COL15A1: variants seen among roughly 807,000 people sequenced by gnomAD.
The protein encoded by COL15A1 is collagen alpha-1(XV) chain.
Under a neutral mutation model 165.9 loss-of-function variants are expected in COL15A1, and 111 were observed. That is an observed-to-expected ratio of 0.67 (90% CI 0.57 to 0.78). COL15A1 has a LOEUF of 0.78. COL15A1 is among the 30% of genes least tolerant of loss of function. The pLI, the probability that COL15A1 is intolerant of heterozygous loss-of-function variation, is 0.00. For synonymous variants in COL15A1, 659 were observed against 674.8 expected, an observed-to-expected ratio of 0.98 and a Z score of 0.36; for missense variants, 1,745 against 1,789.7, an observed-to-expected ratio of 0.98 and a Z score of 0.45.
Position 99,055,370 on chromosome 9 carries a change from G to A in COL15A1, c.3190G>A (p.Ala1064Thr). Residue 1064 changes from alanine (A) to threonine (T), a missense_variant and splice_region_variant, in exon 34 of 42, where the codon GCT (alanine) becomes ACT (threonine). Coordinates refer to ENST00000375001, the MANE Select transcript of COL15A1 (RefSeq NM_001855.5). ...PPGLPGNPGP[A>T]GQKGETVVGP... Reference sequence around the variant, plus strand: ...AGGCCTGCCCGGAAATCCAGGCCCGGCTGTGAGTAGAGACCCCTCCAAGTC... The same window carrying A: ...AGGCCTGCCCGGAAATCCAGGCCCGACTGTGAGTAGAGACCCCTCCAAGTC... 1.3e-6 allele frequency: 2 copies of A among 1,599,082 alleles called. No homozygotes were observed. Among genetic ancestry groups the A allele is most frequent in the Non-Finnish European group, 1.7e-6 (2 of 1,166,414 alleles).
chr9:99,053,177 A>C (rs1161089548), intron 31 of COL15A1, among the ~76,000 whole-genome samples: 1 of 152,216 alleles, frequency 6.6e-6, no homozygotes, highest in Admixed American at 6.5e-5. Flanking sequence ...CTGTCCTCAC[A>C]CACCCTGTCA....
chr9:99,042,136 A>G, intron 24 of COL15A1, 29 bp downstream of exon 24: 1 of 1,529,062 alleles, frequency 6.5e-7, no homozygotes, highest in Non-Finnish European at 9.0e-7. Context: ...TCTGAGTGAG[A>G]TTGGGCGCTG....
chr9:98,980,710 G>T (rs931954749), intron 2 of COL15A1, among the ~76,000 whole-genome samples: 1 of 152,206 alleles, frequency 6.6e-6, no homozygotes. Context: ...TCGAGGAGGG[G>T]TTAATCGTTT....
At chr9:98,945,943 G>A (rs996384880) in intron 2 of COL15A1, among the ~76,000 whole-genome samples, 1 of 152,190 alleles carries the variant, frequency 6.6e-6, no homozygotes, top group African/African-American at 2.4e-5. Context: ...CACAAAGGAA[G>A]CCCTATTCCC....
chr9:99,038,161 A>G (rs570953822), intron 21 of COL15A1, among the ~76,000 whole-genome samples: 3 of 152,170 alleles, frequency 2.0e-5, no homozygotes, highest in African/African-American at 7.2e-5. Flanking sequence ...GGGTGTGGGG[A>G]AAAAGGTAAT....
intron 5 of COL15A1, among the ~76,000 whole-genome samples, chr9:98,990,816 T>C (rs763042926): frequency 2.0e-5 from 3 of 152,182 alleles, no homozygotes; most frequent in Non-Finnish European, 4.4e-5. Flanking sequence ...GTGTCTGGAA[T>C]TGGTGGGTTC....
chr9:98,973,651 C>T (rs894849661), intron 2 of COL15A1, among the ~76,000 whole-genome samples: 12 of 152,182 alleles, frequency 7.9e-5, no homozygotes, highest in Non-Finnish European at 1.6e-4. Flanking sequence ...TGAGTTTCCA[C>T]ACAGGCAGAG....
intron 2 of COL15A1, among the ~76,000 whole-genome samples, chr9:98,968,799 G>A (rs1429934652): frequency 6.6e-6 from 1 of 152,154 alleles, no homozygotes; most frequent in African/African-American, 2.4e-5. Context: ...CTTCCTGCCT[G>A]GGGGCGGGGG....
At chr9:99,033,462 G>A (rs935735089) in intron 16 of COL15A1, among the ~76,000 whole-genome samples, 1 of 152,188 alleles carries the variant, frequency 6.6e-6, no homozygotes, top group Non-Finnish European at 1.5e-5. Context: ...TCTACCTTCT[G>A]GGGCCCAGGG....
intron 32 of COL15A1, among the ~76,000 whole-genome samples, 189 bp from the exon 33 acceptor site, chr9:99,054,913 A>T (rs1825690296): frequency 6.6e-6 from 1 of 152,232 alleles, no homozygotes; most frequent in South Asian, 2.1e-4. Flanking sequence ...CCTACCTGGG[A>T]TCCCACAGTG....
At chr9:99,055,463 T>C (rs2117921221) in intron 34 of COL15A1, 91 bp downstream of exon 34, 1 of 767,148 alleles carries the variant, frequency 1.3e-6, no homozygotes, top group South Asian at 1.5e-5. Flanking sequence ...GGCTAGTCAT[T>C]GTACTATAAG....
At chr9:99,054,972 C>A (rs1825693488) in intron 32 of COL15A1, 130 bp from the exon 33 acceptor site, 2 of 835,206 alleles carry the variant, frequency 2.4e-6, no homozygotes, top group African/African-American at 1.7e-5. Context: ...TGCTTCCAAG[C>A]AGACTCTGTT....
intron 22 of COL15A1, 92 bp from the exon 23 acceptor site, chr9:99,040,429 A>G (rs1465222911): frequency 1.3e-6 from 2 of 1,580,834 alleles, no homozygotes; most frequent in Non-Finnish European, 1.7e-6. Context: ...GAACATGCTG[A>G]GGCCTTTGGA....
rs1839384859 is a variant in COL15A1, at chr9:99,040,567, C to T, written c.2511+11C>T. On this transcript the variant is annotated intron_variant, in intron 23 of 41. Transcript: ENST00000375001. ...CTGCCAGGATTTCCAGTAAGTACCA[C>T]CCTCGCTGTCTTCTATCTGTGCCCC... 5 of 1,614,094 alleles carry T rather than the reference C, an allele frequency of 3.1e-6. No individual in the cohort carries two copies. The highest frequency in any genetic ancestry group is 1.3e-5 in the African/African-American group (1 of 74,924).
In COL15A1 at chr9:98,944,219, C is replaced by G. The variant is rs775028238; in HGVS notation, c.69C>G (p.Leu23=). The G allele has an allele frequency of 1.2e-6, 2 of 1,614,042 alleles. No individual in the cohort carries two copies. The highest frequency in any genetic ancestry group is 2.2e-5 in the East Asian group (1 of 44,860). ...LLMLLSVSTP[L]PAVTQTRGAT... The stretch of plus-strand genomic sequence containing the variant: ...TGCTGCTCTCGGTCTCCACGCCCCT[C>G]CCTGCTGTCACCCAGACCCGCGGTG... Residue 23 remains leucine, a synonymous_variant, in exon 2 of 42, where the codon CTC becomes CTG. Coordinates refer to ENST00000375001, the MANE Select transcript of COL15A1 (RefSeq NM_001855.5).
Position 99,015,631 on chromosome 9 carries a change from A to T in COL15A1, c.1503+65A>T, listed in dbSNP as rs1304601152. On this transcript the variant is annotated intron_variant, in intron 10 of 41. Coordinates refer to ENST00000375001, the MANE Select transcript of COL15A1 (RefSeq NM_001855.5). ...AGACAGGTCTGCATCATGCGACAAC[A>T]GTCATCCTTGGCCTTGGCAGGGGCA... 8.6e-6 allele frequency: 13 copies of T among 1,519,630 alleles called. No homozygotes were observed. The East Asian group carries it at 3.0e-4, about 35-fold the overall frequency. The allele number at this position is 1,519,630 out of a possible 1,614,324, so 94.1% of individuals were successfully genotyped here. A position where few individuals can be genotyped will look rare whatever the true frequency, so the allele number is the denominator to read the frequency against.
intron 12 of COL15A1, 27 bp from the exon 13 acceptor site, chr9:99,022,064 G>T (rs376032418): frequency 6.2e-7 from 1 of 1,613,656 alleles, no homozygotes; most frequent in East Asian, 2.2e-5. Flanking sequence ...AGTTCCAGCC[G>T]TTCACTGACC....
intron 2 of COL15A1, among the ~76,000 whole-genome samples, chr9:98,984,634 GGAT>G (rs991302946): frequency 1.8e-4 from 28 of 152,304 alleles, no homozygotes; most frequent in African/African-American, 6.5e-4. Flanking sequence ...TAGGGAATGT[GGAT>G]GATGATGGCG....
At chr9:98,968,083 A>T (rs1588494759) in intron 2 of COL15A1, among the ~76,000 whole-genome samples, 1 of 152,164 alleles carries the variant, frequency 6.6e-6, no homozygotes, top group Admixed American at 6.5e-5. Context: ...TGGGTCCAAA[A>T]CCTGGCCCAG....
Sources: allele counts gnomAD v4.1 joint callset (sites outside exome capture counted in the v4.1 genomes callset), GRCh38; gene constraint gnomAD v4.1.1; transcripts MANE v1.5; gene names NCBI Gene and HGNC (gene_info 2026-07-23, HGNC 2026-07-21).